ABCG2: variants seen among roughly 807,000 people sequenced by gnomAD.
ABCG2 encodes the protein broad substrate specificity ATP-binding cassette transporter ABCG2.
ABCG2 carries 80 observed loss-of-function variants against 73.5 expected under a neutral mutation model. The observed-to-expected ratio is 1.09, with a 90% CI of 0.91 to 1.31. The LOEUF (loss-of-function observed/expected upper bound fraction) is 1.31, where lower values mean the gene tolerates loss of function less well. Ranked by LOEUF, ABCG2 falls within the 50% of genes most tolerant of loss-of-function variation. ABCG2 has a pLI of 0.00. For missense variants in ABCG2, 796 were observed against 786.2 expected (o/e 1.01, Z -0.15); for synonymous variants, 269 against 282.4 (o/e 0.95, Z 0.48).
intron 1 of ABCG2, among the ~76,000 whole-genome samples, chr4:88,180,882 T>C (rs2110099809): frequency 6.6e-6 from 1 of 152,274 alleles, no homozygotes; most frequent in Admixed American, 6.5e-5. Context: ...TATAACACCG[T>C]AATTCCAAAG....
chr4:88,206,603 T>A (rs2110119172), intron 1 of ABCG2: 1 of 152,294 alleles, frequency 6.6e-6, no homozygotes, highest in South Asian at 2.1e-4. Context: ...TCATGCCTCT[T>A]ATTTTCTCAC....
intron 7 of ABCG2, among the ~76,000 whole-genome samples, chr4:88,117,393 G>A (rs1327478427): frequency 3.3e-5 from 5 of 151,660 alleles, no homozygotes; most frequent in South Asian, 4.2e-4. Context: ...AGCACGTTGG[G>A]AGGCCGAGGT....
chr4:88,135,850 T>G (rs758407844), intron 2 of ABCG2, among the ~76,000 whole-genome samples: 6 of 152,132 alleles, frequency 3.9e-5, no homozygotes, highest in Non-Finnish European at 5.9e-5. Flanking sequence ...GGTGGGGAGA[T>G]TGTTTATATT....
chr4:88,219,372 C>T (rs887260327), intron 1 of ABCG2, among the ~76,000 whole-genome samples: 11 of 151,932 alleles, frequency 7.2e-5, no homozygotes, highest in Middle Eastern at 3.4e-3. Context: ...GATGATAGCA[C>T]GTATAAAAAA....
chr4:88,188,648 A>G (rs1430436401), intron 1 of ABCG2, among the ~76,000 whole-genome samples: 2 of 152,330 alleles, frequency 1.3e-5, no homozygotes, highest in East Asian at 3.9e-4. Flanking sequence ...TCTACAAAAA[A>G]ATGGCCTTAG....
rs560425458 is a variant in ABCG2 at position 88,091,665 on chromosome 4, T to C, written c.*569A>G. The C allele has an allele frequency of 6.6e-6, 1 of 152,396 alleles. No homozygotes were observed. Among genetic ancestry groups the C allele is most frequent in the Admixed American group, 6.5e-5 (1 of 15,292 alleles). 9.4% of individuals were successfully genotyped at this position (152,396 alleles called of 1,614,324 possible). A position where few individuals can be genotyped will look rare whatever the true frequency, so the allele number is the denominator to read the frequency against. On this transcript the variant is annotated 3_prime_UTR_variant, in exon 16 of 16. Coordinates refer to ENST00000237612, the MANE Select transcript of ABCG2 (RefSeq NM_004827.3). ...CTCAGCCAAGATTCCTGAGATATTA[T>C]ACCACTAGACAGGAATATCAGTAAG...
At chr4:88,128,976 T>C (rs1207375947) in intron 5 of ABCG2, among the ~76,000 whole-genome samples, 4 of 152,146 alleles carry the variant, frequency 2.6e-5, no homozygotes, top group Non-Finnish European at 5.9e-5. Flanking sequence ...CCAAGTCAAA[T>C]ATGTAGTTTG....
chr4:88,212,240 C>T (rs970189295), intron 1 of ABCG2, among the ~76,000 whole-genome samples: 2 of 152,156 alleles, frequency 1.3e-5, no homozygotes, highest in Non-Finnish European at 2.9e-5. Flanking sequence ...CAAAGTGGAT[C>T]ATCTAATAAC....
intron 1 of ABCG2, among the ~76,000 whole-genome samples, chr4:88,155,115 G>A (rs76795358): frequency 1.0e-3 from 155 of 152,228 alleles, no homozygotes; most frequent in African/African-American, 3.4e-3. Context: ...GGAATGGAAA[G>A]AGGAGTGGGG....
At chr4:88,130,904 G>T (rs999546997) in intron 5 of ABCG2, among the ~76,000 whole-genome samples, 157 bp downstream of exon 5, 2 of 152,040 alleles carry the variant, frequency 1.3e-5, no homozygotes, top group Non-Finnish European at 2.9e-5. Flanking sequence ...TAATTTCCAC[G>T]TTCATATTAT....
chr4:88,219,874 T>C (rs1729952604), intron 1 of ABCG2, among the ~76,000 whole-genome samples: 2 of 151,716 alleles, frequency 1.3e-5, no homozygotes, highest in Admixed American at 6.6e-5. Flanking sequence ...CAGGCTCAAA[T>C]AGTTTTTAAG....
At chr4:88,231,552 A>G (rs907302356), upstream of ABCG2, among the ~76,000 whole-genome samples, 2 of 152,150 alleles carry the variant, frequency 1.3e-5, no homozygotes, top group Non-Finnish European at 1.5e-5. Context: ...TTCGAAATGG[A>G]AGGATAAAAA....
intron 5 of ABCG2, among the ~76,000 whole-genome samples, chr4:88,124,349 G>A (rs959264250): frequency 1.3e-5 from 2 of 152,156 alleles, no homozygotes; most frequent in African/African-American, 4.8e-5. Flanking sequence ...AAATGCCCCA[G>A]TTAAAAGACA....
intron 9 of ABCG2, among the ~76,000 whole-genome samples, chr4:88,110,066 C>T (rs1723029164): frequency 6.6e-6 from 1 of 152,128 alleles, no homozygotes; most frequent in Non-Finnish European, 1.5e-5. Flanking sequence ...CCTCCCACCT[C>T]AGCCTTTTGA....
At chr4:88,196,788 A>G (rs1488374886) in intron 1 of ABCG2, among the ~76,000 whole-genome samples, 1 of 100,890 alleles carries the variant, frequency 9.9e-6, no homozygotes, top group Admixed American at 9.5e-5. Context: ...AAGATTACCA[A>G]AAAAAAAAAA....
intron 9 of ABCG2, among the ~76,000 whole-genome samples, chr4:88,112,566 C>A (rs972483931): frequency 2.6e-5 from 4 of 152,086 alleles, no homozygotes; most frequent in Admixed American, 6.6e-5. Flanking sequence ...AAAATTAGCT[C>A]CATGAGCAGA....
rs1181432912 is a variant in ABCG2 at position 88,090,896 on chromosome 4, T to C, written c.*1338A>G. ...ATAAAATGTTAACATTAAGGGAAGC[T>C]GAGCAAAGAGTAGACAGGAACTTTC... On this transcript the variant is annotated 3_prime_UTR_variant, in exon 16 of 16. Transcript: ENST00000237612. 1 of 152,246 alleles carries C rather than the reference T, an allele frequency of 6.6e-6. No homozygotes were observed. Among genetic ancestry groups the C allele is most frequent in the Non-Finnish European group, 1.5e-5 (1 of 68,034 alleles). 9.4% of individuals were successfully genotyped at this position (152,246 alleles called of 1,614,324 possible).
chr4:88,231,236 A>G (rs1393301355), exon 1 of ABCG2: 2 of 152,204 alleles, frequency 1.3e-5, no homozygotes, highest in Non-Finnish European at 2.9e-5. Flanking sequence ...CTACCAGGGA[A>G]CATTGAGGCT....
At chr4:88,170,692 C>G (rs1481519355) in intron 1 of ABCG2, among the ~76,000 whole-genome samples, 1 of 152,264 alleles carries the variant, frequency 6.6e-6, no homozygotes, top group East Asian at 1.9e-4. Context: ...ATTCTGACCA[C>G]TTTCCTCCTT....
Sources: allele counts gnomAD v4.1 joint callset (sites outside exome capture counted in the v4.1 genomes callset), GRCh38; gene constraint gnomAD v4.1.1; transcripts MANE v1.5; gene names NCBI Gene and HGNC (gene_info 2026-07-23, HGNC 2026-07-21).